SORCS3: variants seen among roughly 807,000 people sequenced by gnomAD.
SORCS3 encodes the protein sortilin related VPS10 domain containing receptor 3, also known as VPS10 domain-containing receptor SorCS3.
In SORCS3, 57 loss-of-function variants were observed where a neutral mutation model predicts 146.3. That is an observed-to-expected ratio of 0.39 (90% CI 0.31 to 0.49). The LOEUF (loss-of-function observed/expected upper bound fraction) is 0.49, where lower values mean the gene tolerates loss of function less well. Ranked by LOEUF, SORCS3 falls within the 20% of genes least tolerant of loss-of-function variation. The pLI is 0.92. For synonymous variants in SORCS3, 653 were observed against 618.5 expected (o/e 1.06, Z -0.83); for missense variants, 1,341 against 1,575.5 (o/e 0.85, Z 2.52).
At chr10:104,909,320 GC>G (rs532523563) in intron 2 of SORCS3, among the ~76,000 whole-genome samples, 8 of 152,138 alleles carry the variant, frequency 5.3e-5, no homozygotes, top group Non-Finnish European at 8.8e-5. Context: ...AGTGTGCCTA[GC>G]CCATGTCAGA....
At position 104,861,474 on chromosome 10, in the gene SORCS3, G is replaced by A. The variant is rs574472105; in HGVS notation, c.695+18615G>A. Among the ~76,000 whole-genome samples the A allele has an allele frequency of 2.6e-5, 4 of 152,226 alleles. No individual in the cohort carries two copies. In the South Asian group the frequency reaches 8.3e-4, roughly 32 times the overall value. On this transcript the variant is annotated intron_variant, in intron 2 of 26. Coordinates refer to ENST00000369701, the MANE Select transcript of SORCS3 (RefSeq NM_014978.3). ...CTTAAGCACATGTTCTGCCTATGAG[G>A]GCTTGCTTCAATTTCTGTCAGGATT...
chr10:105,162,867 A>G (rs2056277410), intron 11 of SORCS3, among the ~76,000 whole-genome samples: 2 of 152,186 alleles, frequency 1.3e-5, no homozygotes, highest in African/African-American at 4.8e-5. Flanking sequence ...CCCTTGGTAG[A>G]CATCTGTTGA....
chr10:105,102,779 C>A (rs1266260036), intron 6 of SORCS3, among the ~76,000 whole-genome samples: 1 of 137,620 alleles, frequency 7.3e-6, no homozygotes, highest in Non-Finnish European at 1.5e-5. Context: ...TACCTCTCAA[C>A]CTTTTTTTTT....
intron 4 of SORCS3, among the ~76,000 whole-genome samples, chr10:105,014,400 T>C (rs971405200): frequency 3.3e-5 from 5 of 152,090 alleles, no homozygotes; most frequent in East Asian, 1.9e-4. Flanking sequence ...ATGCTAGCCA[T>C]AAGATGAATG....
intron 8 of SORCS3, among the ~76,000 whole-genome samples, chr10:105,141,542 T>A (rs942873539): frequency 2.6e-5 from 4 of 152,184 alleles, no homozygotes; most frequent in African/African-American, 9.7e-5. Context: ...AAGCTCCCTA[T>A]CATCATTGCC....
intron 5 of SORCS3, among the ~76,000 whole-genome samples, chr10:105,084,832 G>A (rs906786920): frequency 1.3e-5 from 2 of 151,484 alleles, no homozygotes; most frequent in Non-Finnish European, 2.9e-5. Flanking sequence ...CCGGGTTCAC[G>A]CCATTCTCCT....
At chr10:105,063,800 G>A (rs554389596) in intron 5 of SORCS3, among the ~76,000 whole-genome samples, 47 of 152,342 alleles carry the variant, frequency 3.1e-4, no homozygotes, top group African/African-American at 9.4e-4. Flanking sequence ...CCTGATCCTC[G>A]GGTGTCACAT....
At chr10:104,716,348 T>A (rs1247638643) in intron 1 of SORCS3, among the ~76,000 whole-genome samples, 1 of 152,142 alleles carries the variant, frequency 6.6e-6, no homozygotes, top group Non-Finnish European at 1.5e-5. Context: ...AGAATAAATA[T>A]TGCAGGAGAT....
intron 25 of SORCS3, among the ~76,000 whole-genome samples, chr10:105,259,884 A>G (rs1229848713): frequency 1.3e-5 from 2 of 152,138 alleles, no homozygotes; most frequent in Admixed American, 6.5e-5. Context: ...GCCTATCCAT[A>G]TTACTCCTCT....
intron 16 of SORCS3, among the ~76,000 whole-genome samples, chr10:105,203,640 A>G (rs910149161): frequency 6.6e-6 from 1 of 152,204 alleles, no homozygotes; most frequent in African/African-American, 2.4e-5. Flanking sequence ...CAAAAATTCT[A>G]GCACTGATAG....
chr10:104,704,315 G>C (rs1227225717), intron 1 of SORCS3, among the ~76,000 whole-genome samples: 10 of 152,024 alleles, frequency 6.6e-5, no homozygotes, highest in Non-Finnish European at 1.5e-5. Context: ...CTACAGGTGT[G>C]CACCACCATG....
At chr10:105,222,065 T>TG (rs1189752143) in intron 19 of SORCS3, among the ~76,000 whole-genome samples, 2 of 147,026 alleles carry the variant, frequency 1.4e-5, no homozygotes, top group African/African-American at 5.0e-5. Flanking sequence ...TTTTTTTTTT[T>TG]TTTTTTAGTT....
At chr10:104,863,870 G>A (rs1431939929) in intron 2 of SORCS3, among the ~76,000 whole-genome samples, 1 of 152,210 alleles carries the variant, frequency 6.6e-6, no homozygotes, top group East Asian at 1.9e-4. Flanking sequence ...CCAGCCAGCA[G>A]ATGACTGAGA....
intron 7 of SORCS3, among the ~76,000 whole-genome samples, chr10:105,107,670 T>TCTAGGTG (rs1470094496): frequency 1.3e-5 from 2 of 152,222 alleles, no homozygotes; most frequent in Admixed American, 6.5e-5. Context: ...GGTCCCCTGT[T>TCTAGGTG]CTAGGTGCTA....
At chr10:105,124,242 T>C (rs1416784386) in intron 7 of SORCS3, among the ~76,000 whole-genome samples, 1 of 152,200 alleles carries the variant, frequency 6.6e-6, no homozygotes, top group Admixed American at 6.6e-5. Context: ...TCCATGTCTA[T>C]TGAAAAGAAC....
At chr10:105,206,132 C>T (rs958594204) in intron 16 of SORCS3, among the ~76,000 whole-genome samples, 3 of 152,086 alleles carry the variant, frequency 2.0e-5, no homozygotes, top group Non-Finnish European at 2.9e-5. Context: ...TGTGTTTCCG[C>T]AGTGGACAAG....
At chr10:104,802,348 A>G (rs192011728) in intron 1 of SORCS3, among the ~76,000 whole-genome samples, 11 of 152,346 alleles carry the variant, frequency 7.2e-5, no homozygotes, top group African/African-American at 2.4e-4. Context: ...TATAGGGTTT[A>G]TACAAAGTTG....
At chr10:105,151,213 A>C (rs940400797) in intron 9 of SORCS3, among the ~76,000 whole-genome samples, 3 of 152,298 alleles carry the variant, frequency 2.0e-5, no homozygotes, top group East Asian at 1.9e-4. Flanking sequence ...TTATAGACAA[A>C]TTGTTGGAAA....
At chr10:105,227,319 G>A (rs1310623362) in intron 20 of SORCS3, among the ~76,000 whole-genome samples, 2 of 151,924 alleles carry the variant, frequency 1.3e-5, no homozygotes, top group African/African-American at 4.8e-5. Flanking sequence ...ACATTCAGAA[G>A]CATATCATTT....
Sources: gnomAD v4.1 joint callset for allele counts (sites outside exome capture counted in the v4.1 genomes callset) on GRCh38, gnomAD v4.1.1 for gene constraint, MANE v1.5 for transcripts, NCBI Gene and HGNC (gene_info 2026-07-23, HGNC 2026-07-21) for gene names.